USP2: variants seen among roughly 807,000 people sequenced by gnomAD.
USP2 encodes the protein ubiquitin specific peptidase 2, also known as ubiquitin carboxyl-terminal hydrolase 2.
A neutral mutation model predicts 72.0 loss-of-function variants in USP2; 33 were observed. The observed-to-expected ratio is 0.46, with a 90% CI of 0.35 to 0.61. USP2 has a LOEUF of 0.61. Ranked by LOEUF, USP2 falls within the 20% of genes least tolerant of loss-of-function variation. The probability of loss-of-function intolerance (pLI) is 0.01; values close to 1 mark genes in which losing one functional copy is unlikely to be tolerated. For synonymous variants in USP2, 296 were observed against 312.5 expected (o/e 0.95, Z 0.56); for missense variants, 691 against 797.8 (o/e 0.87, Z 1.61).
intron 9 of USP2, 47 bp downstream of exon 9, chr11:119,357,934 T>G (rs780684143): frequency 6.2e-7 from 1 of 1,613,700 alleles, no homozygotes; most frequent in Non-Finnish European, 8.5e-7. Context: ...CTCTTCCCAG[T>G]AGGTCCCACG....
At chr11:119,358,323 A>ATT in intron 7 of USP2, 71 bp from the exon 8 acceptor site, 14 of 1,147,400 alleles carry the variant, frequency 1.2e-5, no homozygotes, top group Non-Finnish European at 1.6e-5. Flanking sequence ...AGCAGCTTTT[A>ATT]TTTTTTTTTT....
intron 1 of USP2, chr11:119,379,199 C>G (rs1951034113): frequency 1.0e-6 from 1 of 985,498 alleles, no homozygotes; most frequent in Middle Eastern, 5.2e-4. Flanking sequence ...AACTCACTTG[C>G]ATTCCAAGCC....
rs1010409303 is a variant in USP2 at position 119,357,737 on chromosome 11, C to A, written c.1501+20G>T. On this transcript the variant is annotated intron_variant, in intron 10 of 12. Transcript: ENST00000260187. ...CACCCTTGAAAGTCATGTCCCAGCCCTGATGGATCTTAAGGATACGGAGCA... is the reference window on the plus strand; with the variant it reads ...CACCCTTGAAAGTCATGTCCCAGCCATGATGGATCTTAAGGATACGGAGCA... The A allele has an allele frequency of 6.2e-7, 1 of 1,613,672 alleles. No individual in the cohort carries two copies. The highest frequency in any genetic ancestry group is 8.5e-7 in the Non-Finnish European group (1 of 1,180,044).
chr11:119,374,176 C>T (rs1336995434), intron 1 of USP2, among the ~76,000 whole-genome samples: 2 of 152,168 alleles, frequency 1.3e-5, no homozygotes, highest in African/African-American at 4.8e-5. Flanking sequence ...CCAGCACCTG[C>T]TGCATGGTCC....
intron 2 of USP2, among the ~76,000 whole-genome samples, chr11:119,361,247 C>T (rs1286331781): frequency 6.6e-6 from 1 of 152,200 alleles, no homozygotes; most frequent in Non-Finnish European, 1.5e-5. Flanking sequence ...GCTGAAATTG[C>T]CACTCTTGCT....
Position 119,356,838 on chromosome 11 carries a change from C to T in USP2, c.1815G>A (p.Met605Ile). Residue 605 changes from methionine to isoleucine, a missense_variant, in exon 13 of 13, where the codon ATG (methionine) becomes ATA (isoleucine). By Grantham distance (10) the Met-to-Ile change is conservative. Transcript: ENST00000260187. ...FYELASPPSR[M>I] is the part of the protein sequence containing the mutation. Reference sequence around the variant, plus strand: ...AGAAGGGACGTGGCTCCTGGCGCTACATTCGGGAGGGCGGGCTGGCCAGTT... The same window carrying T: ...AGAAGGGACGTGGCTCCTGGCGCTATATTCGGGAGGGCGGGCTGGCCAGTT... The T allele has an allele frequency of 6.4e-7, 1 of 1,561,768 alleles. No homozygotes were observed.
chr11:119,358,176 G>A lies in USP2; in HGVS notation c.1314C>T (p.Phe438=). 6.2e-7 allele frequency: 1 copy of A among 1,614,104 alleles called. No homozygotes were observed. Among genetic ancestry groups the A allele is most frequent in the South Asian group, 1.1e-5 (1 of 91,074 alleles). Residue 438 remains phenylalanine (F), a synonymous_variant, in exon 8 of 13, where the codon TTC becomes TTT. Transcript: ENST00000260187. ...TAGCAATGGGCAGTGAGAGGTCCCA[G>A]AAGGGGTCGAAGACCGTAGAACAGT... ...CGYCSTVFDP[F]WDLSLPIAKR... is the part of the protein sequence containing the mutation.
At chr11:119,372,207 G>A (rs754198062) in intron 2 of USP2, among the ~76,000 whole-genome samples, 6 of 152,242 alleles carry the variant, frequency 3.9e-5, no homozygotes, top group Non-Finnish European at 8.8e-5. Context: ...GTGTCACTCA[G>A]AGGAGAGTCC....
Position 119,381,557 on chromosome 11 carries a change from A to G in USP2, c.-126T>C, listed in dbSNP as rs541349405. ...GTCCCGGCTGGCGCTGGCGCGGCGC[A>G]GTGAGCACCAGCTGACGAAGAGGGC... On this transcript the variant is annotated 5_prime_UTR_variant, in exon 1 of 13. Transcript: ENST00000260187. 224 of 1,535,694 alleles carry G rather than the reference A, an allele frequency of 1.5e-4. No individual in the cohort carries two copies. Among genetic ancestry groups the G allele is most frequent in the Non-Finnish European group, 1.9e-4 (215 of 1,146,554 alleles).
intron 2 of USP2, among the ~76,000 whole-genome samples, chr11:119,372,399 T>A (rs1355388877): frequency 6.6e-6 from 1 of 152,208 alleles, no homozygotes; most frequent in Non-Finnish European, 1.5e-5. Context: ...GACACTGGCA[T>A]GTCACATAGA....
intron 2 of USP2, among the ~76,000 whole-genome samples, chr11:119,366,662 C>G (rs1950856848): frequency 6.6e-6 from 1 of 151,402 alleles, no homozygotes. Flanking sequence ...AGGGCCAGAC[C>G]AGGCTCTGCT....
chr11:119,376,305 A>G, intron 1 of USP2: 2 of 985,696 alleles, frequency 2.0e-6, no homozygotes, highest in Non-Finnish European at 2.4e-6. Flanking sequence ...CTCGCTGCGC[A>G]AGACAGGGAC....
intron 7 of USP2, 112 bp downstream of exon 7, chr11:119,358,661 C>T (rs1320681242): frequency 7.8e-6 from 10 of 1,287,080 alleles, no homozygotes; most frequent in Non-Finnish European, 1.0e-5. Context: ...CTTTGTTGAA[C>T]ACTAGGCAGA....
chr11:119,359,276 A>C lies in USP2; in HGVS notation c.1016T>G (p.Phe339Cys). The C allele has an allele frequency of 6.2e-7, 1 of 1,614,086 alleles. No homozygotes were observed. Among genetic ancestry groups the C allele is most frequent in the South Asian group, 1.1e-5 (1 of 91,072 alleles). The change falls in exon 5 of 13, where the codon TTC (phenylalanine) becomes TGC (cysteine). Residue 339 changes from phenylalanine (F) to cysteine (C), a missense_variant. By Grantham distance (205) the Phe-to-Cys change is radical. Coordinates refer to ENST00000260187, the MANE Select transcript of USP2 (RefSeq NM_004205.5). ...TGCGTATCTCTGGATCTGGGTCTTGAACTCAGATGGGCTCACCACATCATT... is the reference window on the plus strand; with the variant it reads ...TGCGTATCTCTGGATCTGGGTCTTGCACTCAGATGGGCTCACCACATCATT... ...SPNDVVSPSEFKTQIQRYAPR... is the reference protein window; with the variant it reads ...SPNDVVSPSECKTQIQRYAPR...
chr11:119,368,920 G>A (rs1413603136), intron 2 of USP2, among the ~76,000 whole-genome samples: 1 of 152,218 alleles, frequency 6.6e-6, no homozygotes, highest in African/African-American at 2.4e-5. Context: ...AGCTGAGGGG[G>A]ATTAGGAAGG....
intron 12 of USP2, 40 bp from the exon 13 acceptor site, chr11:119,356,962 C>A (rs377727221): frequency 6.5e-7 from 1 of 1,545,316 alleles, no homozygotes; most frequent in Admixed American, 2.0e-5. Flanking sequence ...GCGGGCAGGA[C>A]CGGGAGACCC....
At chr11:119,374,629 G>A (rs1311365940) in intron 1 of USP2, among the ~76,000 whole-genome samples, 1 of 152,146 alleles carries the variant, frequency 6.6e-6, no homozygotes, top group Non-Finnish European at 1.5e-5. Flanking sequence ...CAGATTTAGG[G>A]TCAGTTGGGG....
At chr11:119,357,031 C>G in intron 12 of USP2, 109 bp from the exon 13 acceptor site, 1 of 1,457,276 alleles carries the variant, frequency 6.9e-7, no homozygotes, top group Non-Finnish European at 9.3e-7. Context: ...GGGAGCCTCC[C>G]CACGGGCAGC....
rs397816714 is a variant in USP2 at position 119,379,917 on chromosome 11, C to CTTTTTTTTTT, written c.-42+1546_-42+1555dup. Among the ~76,000 whole-genome samples, 23 of 116,540 alleles carry CTTTTTTTTTT rather than the reference C, an allele frequency of 2.0e-4. 1 individual carries two copies. Among genetic ancestry groups the CTTTTTTTTTT allele is most frequent in the Non-Finnish European group, 3.0e-4 (18 of 60,228 alleles). 76.5% of individuals were successfully genotyped at this position (116,540 alleles called of 152,430 possible). A position where few individuals can be genotyped will look rare whatever the true frequency, so the allele number is the denominator to read the frequency against. ...TACTCCTGGGGAAGTGTTCCTTTCT[C>CTTTTTTTTTT]TTTTTTTTTTTTTTTTTTTGAGACG... On this transcript the variant is annotated intron_variant, in intron 1 of 12. Transcript: ENST00000260187.
Sources: allele counts gnomAD v4.1 joint callset (sites outside exome capture counted in the v4.1 genomes callset), GRCh38; gene constraint gnomAD v4.1.1; transcripts MANE v1.5; gene names NCBI Gene and HGNC (gene_info 2026-07-23, HGNC 2026-07-21).